Variants in GAPVD1 observed in about 807,000 individuals in gnomAD.
GAPVD1 encodes GTPase activating protein and VPS9 domains 1, also known as GTPase-activating protein and VPS9 domain-containing protein 1.
Under a neutral mutation model 155.5 loss-of-function variants are expected in GAPVD1, and 35 were observed. The ratio of observed to expected loss-of-function variants is 0.23; its 90% CI spans 0.17 to 0.30. The LOEUF is 0.30. Ranked by LOEUF, GAPVD1 falls within the 10% of genes least tolerant of loss-of-function variation. The pLI is 1.00. For missense variants in GAPVD1, 1,429 were observed against 1,775.7 expected, an observed-to-expected ratio of 0.80 and a Z score of 3.51; for synonymous variants, 636 against 619.7, an observed-to-expected ratio of 1.03 and a Z score of -0.39.
intron 27 of GAPVD1, among the ~76,000 whole-genome samples, chr9:125,362,264 T>C (rs747084141): frequency 6.6e-6 from 1 of 152,228 alleles, no homozygotes; most frequent in Non-Finnish European, 1.5e-5. Context: ...TCAATTTGCC[T>C]ACAGCATTTA....
chr9:125,294,771 A>G (rs774054346), intron 2 of GAPVD1, among the ~76,000 whole-genome samples: 5 of 151,868 alleles, frequency 3.3e-5, no homozygotes, highest in South Asian at 2.1e-4. Context: ...GGAAATAAAG[A>G]ATTTAAGCTC....
chr9:125,302,900 A>G, intron 5 of GAPVD1, 74 bp downstream of exon 5: 3 of 1,501,260 alleles, frequency 2.0e-6, no homozygotes, highest in Admixed American at 2.2e-5. Flanking sequence ...GGGTGGGAAC[A>G]AATAATACGA....
At chr9:125,292,688 C>G (rs116848250) in intron 2 of GAPVD1, among the ~76,000 whole-genome samples, 1,965 of 151,728 alleles carry the variant, frequency 0.013, 104 homozygotes, top group East Asian at 0.088. Flanking sequence ...CCACGCCCGG[C>G]TGGTCCAGGG....
intron 2 of GAPVD1, among the ~76,000 whole-genome samples, chr9:125,290,647 A>G (rs994215835): frequency 2.0e-5 from 3 of 152,172 alleles, no homozygotes; most frequent in African/African-American, 7.2e-5. Context: ...TGGGGGATGG[A>G]TTGGGAAAAT....
chr9:125,349,591 G>A, intron 21 of GAPVD1, 72 bp downstream of exon 21: 5 of 1,332,746 alleles, frequency 3.8e-6, no homozygotes, highest in Non-Finnish European at 5.3e-6. Context: ...GTCAAGTCAA[G>A]TGATGTTTTG....
chr9:125,262,744 A>C (rs1833140320), intron 1 of GAPVD1, among the ~76,000 whole-genome samples: 2 of 152,154 alleles, frequency 1.3e-5, no homozygotes, highest in South Asian at 4.1e-4. Context: ...TGATGGATAG[A>C]ATTAGAAGGG....
At chr9:125,346,691 T>G in intron 19 of GAPVD1, 128 bp from the exon 20 acceptor site, 5 of 785,026 alleles carry the variant, frequency 6.4e-6, no homozygotes, top group Admixed American at 1.8e-5. Flanking sequence ...CTCTTAACAT[T>G]GAGATATGTG....
chr9:125,298,621 C>T (rs772298754), intron 3 of GAPVD1, among the ~76,000 whole-genome samples: 2 of 150,472 alleles, frequency 1.3e-5, no homozygotes, highest in Admixed American at 6.6e-5. Flanking sequence ...TCTGAGTAGC[C>T]GGGACTACAG....
In GAPVD1 at chr9:125,362,927, G is replaced by A. The variant is rs189878813; in HGVS notation, c.*181G>A. ...CTAACAAGCAGGTTCTCTCGTCTTTGGGCTCTTTCCTTTCTGAGTTGCATA... is the reference window on the plus strand; with the variant it reads ...CTAACAAGCAGGTTCTCTCGTCTTTAGGCTCTTTCCTTTCTGAGTTGCATA... On this transcript the variant is annotated 3_prime_UTR_variant, in exon 28 of 28. Coordinates refer to ENST00000297933, the MANE Select transcript of GAPVD1 (RefSeq NM_001282680.3). 1 of 412,976 alleles carries A rather than the reference G, an allele frequency of 2.4e-6. No individual in the cohort carries two copies. The highest frequency in any genetic ancestry group is 4.5e-5 in the Admixed American group (1 of 22,378). 25.6% of individuals were successfully genotyped at this position (412,976 alleles called of 1,614,324 possible).
intron 17 of GAPVD1, among the ~76,000 whole-genome samples, chr9:125,338,957 G>GTA (rs202110556): frequency 3.6e-5 from 4 of 111,490 alleles, no homozygotes; most frequent in Admixed American, 8.4e-5. Context: ...GTGTGTGTGT[G>GTA]TATATATATT....
At chr9:125,336,059 C>T (rs1846887300) in intron 15 of GAPVD1, among the ~76,000 whole-genome samples, 1 of 150,994 alleles carries the variant, frequency 6.6e-6, no homozygotes, top group South Asian at 2.1e-4. Context: ...GCAGGAGGAT[C>T]ACTCGAGCCC....
chr9:125,300,510 G>A (rs909203036), intron 4 of GAPVD1, among the ~76,000 whole-genome samples: 1 of 151,926 alleles, frequency 6.6e-6, no homozygotes, highest in African/African-American at 2.4e-5. Flanking sequence ...GAATATCAGT[G>A]CTGTTGAGAA....
chr9:125,337,755 C>T (rs1468438483), intron 17 of GAPVD1, among the ~76,000 whole-genome samples, 164 bp downstream of exon 17: 1 of 152,218 alleles, frequency 6.6e-6, no homozygotes, highest in Non-Finnish European at 1.5e-5. Flanking sequence ...CGCAGGAAAC[C>T]TGTACAACTT....
At chr9:125,307,171 A>G (rs1314729337) in intron 6 of GAPVD1, among the ~76,000 whole-genome samples, 2 of 151,756 alleles carry the variant, frequency 1.3e-5, no homozygotes, top group African/African-American at 4.8e-5. Context: ...AGGCTGAGGC[A>G]GGAGAATCAC....
rs150096653 is a variant in GAPVD1 at position 125,337,475 on chromosome 9, C to T, written c.2761C>T (p.Arg921Cys). Residue 921 changes from arginine (R) to cysteine (C), a missense_variant, in exon 17 of 28, where the codon CGT becomes TGT. Arg to Cys is a radical substitution (Grantham distance 180). Around this residue, in one of 4 missense-constraint regions of GAPVD1, gnomAD observed 699 missense variants for 826.0 expected, o/e 0.85. Coordinates refer to ENST00000297933, the MANE Select transcript of GAPVD1 (RefSeq NM_001282680.3). Reference protein sequence around the residue: ...RPMSDPSWNRRPGNEERELPP... With the variant: ...RPMSDPSWNRCPGNEERELPP... ...CATGAGTGACCCCAGCTGGAACCGG[C>T]GTCCAGGAAATGAAGAGCGAGAACT... The T allele has an allele frequency of 9.3e-6, 15 of 1,614,136 alleles. No homozygotes were observed. The African/African-American group carries it at 1.2e-4, about 13-fold the overall frequency.
rs1846239114 is a variant in GAPVD1, at chr9:125,332,519, C to A, written c.2318C>A (p.Ala773Glu). Residue 773 changes from alanine (A) to glutamate (E), a missense_variant, in exon 15 of 28, where the codon GCA becomes GAA. Ala to Glu is a moderately radical substitution (Grantham distance 107, BLOSUM62 -1). Transcript: ENST00000297933. ...PGLSVVSGISATSEDIPNKIE... is the reference protein window; with the variant it reads ...PGLSVVSGISETSEDIPNKIE... Reference sequence around the variant, plus strand: ...CTATTGTTTTTTAAAGGCATAAGTGCAACCTCTGAGGATATTCCCAATAAG... The same window carrying A: ...CTATTGTTTTTTAAAGGCATAAGTGAAACCTCTGAGGATATTCCCAATAAG... 6.3e-7 allele frequency: 1 copy of A among 1,595,826 alleles called. No individual in the cohort carries two copies. The highest frequency in any genetic ancestry group is 8.5e-7 in the Non-Finnish European group (1 of 1,170,578).
chr9:125,333,274 G>T (rs892830573), intron 15 of GAPVD1, among the ~76,000 whole-genome samples: 1 of 151,094 alleles, frequency 6.6e-6, no homozygotes, highest in Non-Finnish European at 1.5e-5. Flanking sequence ...AGATACGGGG[G>T]TTTCATCACA....
At chr9:125,327,007 CAATAT>C (rs2131649344) in intron 12 of GAPVD1, among the ~76,000 whole-genome samples, 1 of 152,240 alleles carries the variant, frequency 6.6e-6, no homozygotes, top group Non-Finnish European at 1.5e-5. Context: ...TCTTTCACAA[CAATAT>C]GATACTGCTG....
chr9:125,264,082 C>T (rs1833431002), intron 1 of GAPVD1: 6 of 828,312 alleles, frequency 7.2e-6, no homozygotes, highest in Non-Finnish European at 1.2e-5. Flanking sequence ...AAATGGCAAT[C>T]TGGTTCTTTA....
Sources: gnomAD v4.1 joint callset for allele counts (sites outside exome capture counted in the v4.1 genomes callset) on GRCh38, gnomAD v4.1.1 for gene constraint, gnomAD v4.1.1 regional missense constraint, MANE v1.5 for transcripts, NCBI Gene and HGNC (gene_info 2026-07-23, HGNC 2026-07-21) for gene names.